The following RARB variants were observed in gnomAD, a reference collection of about 807,000 sequenced individuals.
The protein encoded by RARB is HBV-activated protein.
In RARB, 17 loss-of-function variants were observed where a neutral mutation model predicts 51.9. The ratio of observed to expected loss-of-function variants is 0.33; its 90% confidence interval spans 0.22 to 0.49. The LOEUF (loss-of-function observed/expected upper bound fraction) is 0.49, where lower values mean the gene tolerates loss of function less well. Ranked by LOEUF, RARB falls within the 20% of genes least tolerant of loss-of-function variation. The pLI is 0.99. For missense variants in RARB, 369 were observed against 550.8 expected (o/e 0.67, Z 3.30); for synonymous variants, 215 against 195.4 (o/e 1.10, Z -0.84).
intron 2 of RARB, among the ~76,000 whole-genome samples, chr3:24,882,329 C>T (rs1442354808): frequency 6.6e-6 from 1 of 152,154 alleles, no homozygotes; most frequent in Non-Finnish European, 1.5e-5. Flanking sequence ...ATTGTGTGTA[C>T]TCTAGATATT....
intron 2 of RARB, among the ~76,000 whole-genome samples, chr3:24,964,433 T>C (rs1696211011): frequency 6.6e-6 from 1 of 152,154 alleles, no homozygotes; most frequent in African/African-American, 2.4e-5. Flanking sequence ...AACTGTTGAG[T>C]CATCTTTTCA....
At chr3:24,855,951 T>C (rs944976179) in intron 1 of RARB, among the ~76,000 whole-genome samples, 5 of 151,816 alleles carry the variant, frequency 3.3e-5, no homozygotes, top group Non-Finnish European at 5.9e-5. Flanking sequence ...GGGGTTTCAC[T>C]GTGTTAGCCA....
intron 5 of RARB, among the ~76,000 whole-genome samples, chr3:25,338,049 G>A (rs1029797795): frequency 5.3e-5 from 8 of 149,730 alleles, no homozygotes; most frequent in East Asian, 3.9e-4. Flanking sequence ...TAAAATCACC[G>A]TTATTGAGCA....
intron 4 of RARB, among the ~76,000 whole-genome samples, chr3:25,573,079 C>T (rs1700773759): frequency 6.6e-6 from 1 of 152,098 alleles, no homozygotes; most frequent in Non-Finnish European, 1.5e-5. Flanking sequence ...CTTCCTTATT[C>T]GTTGGGCAGG....
At chr3:25,051,259 G>C (rs1314686113) in intron 2 of RARB, among the ~76,000 whole-genome samples, 2 of 152,086 alleles carry the variant, frequency 1.3e-5, no homozygotes, top group East Asian at 3.8e-4. Context: ...CATGTATGGG[G>C]GAGGAATAGA....
At chr3:25,394,204 T>C (rs927881622) in intron 5 of RARB, among the ~76,000 whole-genome samples, 1 of 152,128 alleles carries the variant, frequency 6.6e-6, no homozygotes, top group Non-Finnish European at 1.5e-5. Flanking sequence ...ATTTGCATGG[T>C]TTTGAGGGTT....
intron 5 of RARB, among the ~76,000 whole-genome samples, chr3:25,245,975 CT>C (rs1481688532): frequency 6.6e-6 from 1 of 151,972 alleles, no homozygotes; most frequent in Non-Finnish European, 1.5e-5. Flanking sequence ...TGGGTTTGGT[CT>C]TTTCACAAAG....
intron 5 of RARB, among the ~76,000 whole-genome samples, chr3:25,270,829 C>T (rs1703240385): frequency 1.3e-5 from 2 of 152,168 alleles, no homozygotes; most frequent in African/African-American, 2.4e-5. Flanking sequence ...AAGGTAATTG[C>T]GGTTTTTGCC....
chr3:25,318,621 G>T (rs1704486873), intron 5 of RARB, among the ~76,000 whole-genome samples: 1 of 152,074 alleles, frequency 6.6e-6, no homozygotes, highest in Non-Finnish European at 1.5e-5. Context: ...CCATTATCTA[G>T]AACAATGACA....
chr3:25,149,828 C>G (rs1700252991), intron 4 of RARB, among the ~76,000 whole-genome samples: 1 of 152,228 alleles, frequency 6.6e-6, no homozygotes, highest in Non-Finnish European at 1.5e-5. Flanking sequence ...CTCACGAGAG[C>G]AGAAGAATGC....
At chr3:24,839,942 G>A (rs4858655) in intron 1 of RARB, among the ~76,000 whole-genome samples, 111,656 of 151,994 alleles carry the variant, frequency 0.73, 41,313 homozygotes, top group East Asian at 0.92. Flanking sequence ...AATGTCTCCA[G>A]CTGAGTGGGA....
At chr3:24,948,408 CAG>C (rs1359299740) in intron 2 of RARB, among the ~76,000 whole-genome samples, 4 of 152,222 alleles carry the variant, frequency 2.6e-5, no homozygotes, top group Non-Finnish European at 2.9e-5. Flanking sequence ...GTGAACCACA[CAG>C]AGTGTGGATA....
chr3:24,952,592 C>T (rs1695918250), intron 2 of RARB, among the ~76,000 whole-genome samples: 1 of 152,134 alleles, frequency 6.6e-6, no homozygotes, highest in Non-Finnish European at 1.5e-5. Context: ...GCTTTACTCA[C>T]TCTCAGTCTC....
intron 5 of RARB, among the ~76,000 whole-genome samples, chr3:25,306,482 A>G (rs1704154270): frequency 6.6e-6 from 1 of 151,954 alleles, no homozygotes; most frequent in South Asian, 2.1e-4. Flanking sequence ...TCATAGAAAA[A>G]CCAGGAATTA....
intron 5 of RARB, among the ~76,000 whole-genome samples, chr3:25,244,881 C>G (rs1702519974): frequency 6.6e-6 from 1 of 151,410 alleles, no homozygotes; most frequent in Non-Finnish European, 1.5e-5. Context: ...AATTTTCTGT[C>G]TCAATCTAAT....
intron 3 of RARB, among the ~76,000 whole-genome samples, chr3:25,077,970 T>C (rs1698910166): frequency 6.6e-6 from 1 of 152,174 alleles, no homozygotes; most frequent in South Asian, 2.1e-4. Flanking sequence ...CCATGGCTTT[T>C]ATTCACATTT....
At chr3:25,315,475 C>A (rs1159975389) in intron 5 of RARB, among the ~76,000 whole-genome samples, 1 of 152,192 alleles carries the variant, frequency 6.6e-6, no homozygotes, top group African/African-American at 2.4e-5. Context: ...AAGCTTGAGA[C>A]TTCCTAACTT....
At chr3:24,984,648 A>G (rs935719371) in intron 2 of RARB, among the ~76,000 whole-genome samples, 1 of 152,210 alleles carries the variant, frequency 6.6e-6, no homozygotes, top group Non-Finnish European at 1.5e-5. Flanking sequence ...GCATTTATGT[A>G]TTTTGAATAA....
chr3:25,112,467 A>G (rs189185752), intron 3 of RARB, among the ~76,000 whole-genome samples: 2 of 152,292 alleles, frequency 1.3e-5, no homozygotes, highest in Non-Finnish European at 2.9e-5. Context: ...GTATTAAATA[A>G]CAATACTTCC....
Sources: gnomAD v4.1 joint callset for allele counts (sites outside exome capture counted in the v4.1 genomes callset) on GRCh38, gnomAD v4.1.1 for gene constraint, MANE v1.5 for transcripts, NCBI Gene and HGNC (gene_info 2026-07-23, HGNC 2026-07-21) for gene names.